The following IGSF10 variants were observed in gnomAD, a reference collection of about 807,000 sequenced individuals.
The protein encoded by IGSF10 is calvaria mechanical force protein 608.
A neutral mutation model predicts 128.2 loss-of-function variants in IGSF10; 126 were observed. The ratio of observed to expected loss-of-function variants is 0.98; its 90% CI spans 0.85 to 1.14. The LOEUF (loss-of-function observed/expected upper bound fraction) is 1.14, where lower values mean the gene tolerates loss of function less well. Among genes scored for constraint, IGSF10 ranks in the 50% most tolerant of loss-of-function variants. The pLI, the probability that IGSF10 is intolerant of heterozygous loss-of-function variation, is 0.00. For missense variants in IGSF10, 3,295 were observed against 3,149.8 expected, an observed-to-expected ratio of 1.05 and a Z score of -1.10; for synonymous variants, 1,185 against 1,146.2, an observed-to-expected ratio of 1.03 and a Z score of -0.68.
the IGSF10 span, among the ~76,000 whole-genome samples, chr3:151,592,241 C>CACAG: frequency 2.6e-5 from 1 of 38,478 alleles, no homozygotes; most frequent in East Asian, 7.9e-4. Context: ...CACACACACA[C>CACAG]ACACACACAC....
At chr3:151,496,246 G>A in the IGSF10 span, among the ~76,000 whole-genome samples, 14 of 151,662 alleles carry the variant, frequency 9.2e-5, no homozygotes, top group African/African-American at 3.2e-4. Context: ...TGTGCACAAC[G>A]TGCAGGTTTG....
the IGSF10 span, among the ~76,000 whole-genome samples, chr3:151,546,062 G>A: frequency 6.7e-6 from 1 of 148,154 alleles, no homozygotes; most frequent in Non-Finnish European, 1.5e-5. Flanking sequence ...AAAAAGCCTA[G>A]CATAATTGTT....
chr3:151,554,609 TA>T, the IGSF10 span, among the ~76,000 whole-genome samples: 21 of 152,318 alleles, frequency 1.4e-4, no homozygotes, highest in Admixed American at 2.6e-4. Context: ...GAAGTGGTTA[TA>T]AAGTCACATT....
At chr3:151,442,893 TGCTA>T in intron 7 of IGSF10, 87 bp downstream of exon 7, 1 of 1,160,598 alleles carries the variant, frequency 8.6e-7, no homozygotes, top group Non-Finnish European at 1.2e-6. Context: ...CTAAAACTGC[TGCTA>T]GCCTCACTGT....
chr3:151,526,109 A>G, the IGSF10 span, among the ~76,000 whole-genome samples: 1 of 152,206 alleles, frequency 6.6e-6, no homozygotes, highest in African/African-American at 2.4e-5. Flanking sequence ...GCACATAACC[A>G]TGATACTTCT....
At chr3:151,543,361 C>G in the IGSF10 span, among the ~76,000 whole-genome samples, 38 of 152,272 alleles carry the variant, frequency 2.5e-4, no homozygotes, top group African/African-American at 8.9e-4. Flanking sequence ...ACACTGTCCA[C>G]CTTTATCTTG....
the IGSF10 span, among the ~76,000 whole-genome samples, chr3:151,607,748 A>G: frequency 4.0e-5 from 6 of 151,814 alleles, no homozygotes; most frequent in Middle Eastern, 3.4e-3. Context: ...CGTCTCTACT[A>G]AAAATACAAA....
At chr3:151,472,499 T>C in the IGSF10 span, among the ~76,000 whole-genome samples, 3 of 152,134 alleles carry the variant, frequency 2.0e-5, no homozygotes, top group Non-Finnish European at 4.4e-5. Flanking sequence ...CCCTCACTCT[T>C]CTGAAAAGGT....
the IGSF10 span, among the ~76,000 whole-genome samples, chr3:151,500,591 C>G: frequency 2.6e-5 from 4 of 152,052 alleles, no homozygotes; most frequent in Non-Finnish European, 5.9e-5. Flanking sequence ...TTAGACAATT[C>G]TCCAAATTTT....
the IGSF10 span, among the ~76,000 whole-genome samples, chr3:151,565,692 C>T: frequency 2.0e-5 from 3 of 152,030 alleles, no homozygotes; most frequent in Admixed American, 6.6e-5. Context: ...AAAGCACCTA[C>T]CCTGGAGTTC....
At position 151,460,926 on chromosome 3, in the gene IGSF10, G is replaced by A. The variant is rs1461435481; in HGVS notation, c.-89+20C>T. On this transcript the variant is annotated intron_variant, in intron 1 of 7. Transcript: ENST00000282466. ...TGGGGTTCCAGCCCTTTCCGGGGAA[G>A]GATTGGCCGAGGCGCTCACCTGTTT... is the stretch of plus-strand genomic sequence containing the variant. The A allele has an allele frequency of 1.0e-6, 1 of 985,204 alleles. No homozygotes were observed. Among genetic ancestry groups the A allele is most frequent in the Non-Finnish European group, 1.2e-6 (1 of 829,884 alleles). The allele number at this position is 985,204 out of a possible 1,614,324, so 61.0% of individuals were successfully genotyped here. A position where few individuals can be genotyped will look rare whatever the true frequency, so the allele number is the denominator to read the frequency against.
the IGSF10 span, among the ~76,000 whole-genome samples, chr3:151,478,954 G>C: frequency 2.0e-5 from 3 of 152,184 alleles, no homozygotes; most frequent in Non-Finnish European, 1.5e-5. Flanking sequence ...CAAGTATTCA[G>C]AAGAAGCATT....
At chr3:151,579,134 C>T in the IGSF10 span, among the ~76,000 whole-genome samples, 1 of 152,158 alleles carries the variant, frequency 6.6e-6, no homozygotes, top group African/African-American at 2.4e-5. Context: ...CAAGATAATG[C>T]TAGAGAAATC....
In IGSF10 at chr3:151,437,296, T is replaced by G. The variant is rs758073809; in HGVS notation, c.7265A>C (p.Lys2422Thr). The G allele has an allele frequency of 3.7e-6, 6 of 1,614,206 alleles. No homozygotes were observed. In the South Asian group the frequency reaches 5.5e-5, roughly 15 times the overall value. ...AARNKVGYIE[K>T]LVILEIGQKP... ...CTGGCCAATTTCTAATATGACTAAT[T>G]TCTCAATATAGCCAACTTTATTCCT... is the stretch of plus-strand genomic sequence containing the variant. Residue 2422 changes from lysine (K) to threonine (T), a missense_variant, in exon 8 of 8, where the codon AAA becomes ACA. Physicochemically the swap from Lys to Thr is moderately conservative, Grantham distance 78 (BLOSUM62 -1). Coordinates refer to ENST00000282466, the MANE Select transcript of IGSF10 (RefSeq NM_178822.5).
In IGSF10 at chr3:151,445,606, G is replaced by A. The variant is rs770147291; in HGVS notation, c.4375C>T (p.His1459Tyr). The stretch of plus-strand genomic sequence containing the variant: ...CTCAAGAATGGTGGTATGGTTGAGT[G>A]TCTAATGATTGCTTTCCTAGTTGTG... The part of the protein sequence containing the change: ...STTTRKAIIR[H>Y]STIPPFLSSS... The change falls in exon 6 of 8, where the codon CAC (histidine) becomes TAC (tyrosine). Residue 1459 changes from histidine to tyrosine, a missense_variant. Physicochemically the swap from His to Tyr is moderately conservative, Grantham distance 83 (BLOSUM62 2). Transcript: ENST00000282466. The A allele has an allele frequency of 1.5e-5, 24 of 1,614,132 alleles. No individual in the cohort carries two copies. Among genetic ancestry groups the A allele is most frequent in the South Asian group, 8.8e-5 (8 of 91,084 alleles).
At position 151,438,479 on chromosome 3, in the gene IGSF10, G is replaced by A; in HGVS notation, c.6082C>T (p.Leu2028=). ...ARNKMGDDLI[L]MHVSLRLKPA... ...TTCAGTCTTAGGCTAACATGCATCA[G>A]TATCAGATCATCCCCCATTTTGTTT... is the stretch of plus-strand genomic sequence containing the variant. The change falls in exon 8 of 8, where the codon CTG becomes TTG. Residue 2028 remains leucine, a synonymous_variant. Coordinates refer to ENST00000282466, the MANE Select transcript of IGSF10 (RefSeq NM_178822.5). 1 of 1,614,110 alleles carries A rather than the reference G, an allele frequency of 6.2e-7. No individual in the cohort carries two copies. Among genetic ancestry groups the A allele is most frequent in the Non-Finnish European group, 8.5e-7 (1 of 1,180,014 alleles).
At chr3:151,523,105 A>C in the IGSF10 span, among the ~76,000 whole-genome samples, 1 of 152,174 alleles carries the variant, frequency 6.6e-6, no homozygotes, top group Non-Finnish European at 1.5e-5. Context: ...AATACAGCTA[A>C]CCAGGGAGCT....
chr3:151,561,851 A>T, the IGSF10 span, among the ~76,000 whole-genome samples: 3 of 152,186 alleles, frequency 2.0e-5, no homozygotes, highest in African/African-American at 7.2e-5. Context: ...TGCTGTTTAA[A>T]TAGTGAAGCA....
At chr3:151,461,620 C>T (rs774651669), upstream of IGSF10, 20 of 164,678 alleles carry the variant, frequency 1.2e-4, no homozygotes, top group Non-Finnish European at 2.1e-4. Context: ...AAAATCTACT[C>T]TTTTAGCAAG....
Sources: allele counts gnomAD v4.1 joint callset (sites outside exome capture counted in the v4.1 genomes callset), GRCh38; gene constraint gnomAD v4.1.1; transcripts MANE v1.5; gene names NCBI Gene and HGNC (gene_info 2026-07-23, HGNC 2026-07-21).